The following ZNF564 variants were observed in gnomAD, a reference collection of about 807,000 sequenced individuals.
The protein encoded by ZNF564 is zinc finger protein 564.
In ZNF564, 5 loss-of-function variants were observed where a neutral mutation model predicts 10.5. The observed-to-expected ratio is 0.48, with a 90% confidence interval of 0.25 to 1.00. The LOEUF (loss-of-function observed/expected upper bound fraction) is 1.00, where lower values mean the gene tolerates loss of function less well. Ranked by LOEUF, ZNF564 falls within the 50% of genes least tolerant of loss-of-function variation. ZNF564 has a pLI of 0.16. For synonymous variants in ZNF564, 242 were observed against 218.1 expected (o/e 1.11, Z -0.97); for missense variants, 603 against 669.7 (o/e 0.90, Z 1.10).
intron 1 of ZNF564, among the ~76,000 whole-genome samples, chr19:12,536,758 A>G (rs2021923368): frequency 6.6e-6 from 1 of 152,188 alleles, no homozygotes; most frequent in South Asian, 2.1e-4. Flanking sequence ...ACACTTTGGG[A>G]AGCCGATAGA....
In ZNF564 at chr19:12,526,895, G is replaced by C; in HGVS notation, c.1213C>G (p.Pro405Ala). 6.2e-7 allele frequency: 1 copy of C among 1,613,950 alleles called. No homozygotes were observed. The highest frequency in any genetic ancestry group is 8.5e-7 in the Non-Finnish European group (1 of 1,179,994). Reference sequence around the variant, plus strand: ...CTTTCGTGTATTTGAAATGAACTGGGACAGTCAAAGGCTCTACCACATACC... The same window carrying C: ...CTTTCGTGTATTTGAAATGAACTGGCACAGTCAAAGGCTCTACCACATACC... ...CQVCGRAFDCPSSFQIHERTH... is the reference protein window; with the variant it reads ...CQVCGRAFDCASSFQIHERTH... Residue 405 changes from proline to alanine, a missense_variant, in exon 4 of 4, where the codon CCC (proline) becomes GCC (alanine). Pro to Ala is a conservative substitution (Grantham distance 27). Coordinates refer to ENST00000339282, the MANE Select transcript of ZNF564 (RefSeq NM_144976.4).
At chr19:12,530,911 C>T (rs969946439) in intron 1 of ZNF564, among the ~76,000 whole-genome samples, 19 of 152,076 alleles carry the variant, frequency 1.2e-4, no homozygotes, top group East Asian at 1.9e-4. Context: ...GAACTATAGT[C>T]GCAAGACACC....
intron 3 of ZNF564, 65 bp from the exon 4 acceptor site, chr19:12,527,981 T>C: frequency 6.8e-7 from 1 of 1,480,530 alleles, no homozygotes; most frequent in East Asian, 2.3e-5. Flanking sequence ...GGTATTCGAC[T>C]TACATTTTTA....
intron 1 of ZNF564, among the ~76,000 whole-genome samples, chr19:12,533,207 T>C (rs1051430244): frequency 6.6e-6 from 1 of 152,132 alleles, no homozygotes; most frequent in Non-Finnish European, 1.5e-5. Context: ...ATAACAGAGA[T>C]AGTTACCAAC....
At chr19:12,541,393 C>CA (rs1472983066) in intron 1 of ZNF564, 1 of 151,638 alleles carries the variant, frequency 6.6e-6, no homozygotes. Flanking sequence ...ACTAAAAATA[C>CA]AAAAAAATTA....
At chr19:12,538,415 G>C (rs953217987) in intron 1 of ZNF564, among the ~76,000 whole-genome samples, 4 of 151,850 alleles carry the variant, frequency 2.6e-5, no homozygotes, top group African/African-American at 7.3e-5. Flanking sequence ...CACGAGGTCA[G>C]GAGTTAAACA....
rs2021739735 is a variant in ZNF564, at chr19:12,528,671, G to A, written c.29C>T (p.Ala10Val). 1.9e-6 allele frequency: 3 copies of A among 1,613,022 alleles called. No individual in the cohort carries two copies. The highest frequency in any genetic ancestry group is 1.7e-6 in the Non-Finnish European group (2 of 1,179,758). MDSVASEDV[A>V]VNFTLEEWAL... is the part of the protein sequence containing the mutation. ...CCACTCCTCAAGTGTGAAGTTCACA[G>A]CCACATCCTCAGAGGCCACTGAGTC... Residue 10 changes from alanine (A) to valine (V), a missense_variant, in exon 2 of 4, where the codon GCT (alanine) becomes GTT (valine). By Grantham distance (64) the Ala-to-Val change is moderately conservative (BLOSUM62 0). Transcript: ENST00000339282.
At chr19:12,547,016 C>T (rs2022168508) in intron 1 of ZNF564, among the ~76,000 whole-genome samples, 1 of 152,144 alleles carries the variant, frequency 6.6e-6, no homozygotes, top group Admixed American at 6.6e-5. Flanking sequence ...ACTCTGCCCT[C>T]TCCTCCCACC....
At chr19:12,549,401 G>A (rs1333441044) in intron 1 of ZNF564, among the ~76,000 whole-genome samples, 1 of 152,104 alleles carries the variant, frequency 6.6e-6, no homozygotes, top group Non-Finnish European at 1.5e-5. Flanking sequence ...GGCTCACTGA[G>A]TGCTCAGTGA....
At chr19:12,538,920 G>A (rs12462112) in intron 1 of ZNF564, among the ~76,000 whole-genome samples, 17 of 151,962 alleles carry the variant, frequency 1.1e-4, no homozygotes, top group Admixed American at 5.9e-4. Flanking sequence ...CTACACTAAC[G>A]CAGTATGTTA....
chr19:12,537,983 T>C (rs2021953266), intron 1 of ZNF564, among the ~76,000 whole-genome samples: 1 of 152,062 alleles, frequency 6.6e-6, no homozygotes, highest in Non-Finnish European at 1.5e-5. Context: ...CCAATTCTGA[T>C]ATCTTTTCTT....
intron 1 of ZNF564, among the ~76,000 whole-genome samples, chr19:12,538,384 G>A (rs1013907059): frequency 1.3e-5 from 2 of 151,914 alleles, no homozygotes; most frequent in East Asian, 3.9e-4. Context: ...CCAGCACTTT[G>A]GGAGGCCAAG....
intron 1 of ZNF564, among the ~76,000 whole-genome samples, chr19:12,530,835 C>G (rs534037508): frequency 2.6e-5 from 4 of 152,268 alleles, no homozygotes; most frequent in African/African-American, 9.6e-5. Context: ...GGCATGATCA[C>G]AGCTCACTGA....
At chr19:12,533,499 GGCA>G (rs1202111866) in intron 1 of ZNF564, among the ~76,000 whole-genome samples, 4 of 152,060 alleles carry the variant, frequency 2.6e-5, no homozygotes, top group African/African-American at 9.7e-5. Flanking sequence ...GGCCAAGGCG[GGCA>G]GATTACTTGA....
chr19:12,548,695 G>T, intron 1 of ZNF564: 1 of 672,534 alleles, frequency 1.5e-6, no homozygotes, highest in South Asian at 1.6e-5. Context: ...ATCCCTTTCA[G>T]ACAATAGAGA....
At chr19:12,537,504 C>G (rs772692026) in intron 1 of ZNF564, among the ~76,000 whole-genome samples, 3 of 151,882 alleles carry the variant, frequency 2.0e-5, no homozygotes, top group Non-Finnish European at 2.9e-5. Flanking sequence ...TTTGGGAGGT[C>G]GAGGGGGGCG....
intron 1 of ZNF564, among the ~76,000 whole-genome samples, chr19:12,547,686 G>A (rs1044887677): frequency 1.3e-5 from 2 of 152,124 alleles, no homozygotes; most frequent in Non-Finnish European, 2.9e-5. Context: ...TGCCTGCCAA[G>A]TTCTACCCAG....
At chr19:12,528,068 G>A (rs2021728917) in intron 3 of ZNF564, 152 bp from the exon 4 acceptor site, 3 of 918,806 alleles carry the variant, frequency 3.3e-6, no homozygotes, top group Non-Finnish European at 4.9e-6. Context: ...CTCTGCAAGA[G>A]AGCTTGACAG....
chr19:12,548,739 T>G (rs770979550), intron 1 of ZNF564: 46 of 697,374 alleles, frequency 6.6e-5, no homozygotes, highest in Non-Finnish European at 1.1e-4. Context: ...GACAACTTCT[T>G]TACTAATATT....
Sources: gnomAD v4.1 joint callset for allele counts (sites outside exome capture counted in the v4.1 genomes callset) on GRCh38, gnomAD v4.1.1 for gene constraint, MANE v1.5 for transcripts, NCBI Gene and HGNC (gene_info 2026-07-23, HGNC 2026-07-21) for gene names.